ETS2: variants seen among roughly 807,000 people sequenced by gnomAD.
ETS2 encodes the protein protein C-ets-2.
A neutral mutation model predicts 54.9 loss-of-function variants in ETS2; 19 were observed. The observed-to-expected ratio is 0.35, with a 90% CI of 0.24 to 0.51. The LOEUF (loss-of-function observed/expected upper bound fraction) is 0.51, where lower values mean the gene tolerates loss of function less well. Ranked by LOEUF, ETS2 falls within the 20% of genes least tolerant of loss-of-function variation. The pLI is 0.97. For missense variants in ETS2, 417 were observed against 593.0 expected (o/e 0.70, Z 3.08); for synonymous variants, 219 against 229.3 (o/e 0.95, Z 0.41).
At position 38,813,113 on chromosome 21, in the gene ETS2, T is replaced by C; in HGVS notation, c.183T>C (p.His61=). The C allele has an allele frequency of 1.3e-6, 2 of 1,588,198 alleles. No individual in the cohort carries two copies. Among genetic ancestry groups the C allele is most frequent in the Non-Finnish European group, 1.7e-6 (2 of 1,156,236 alleles). The change falls in exon 3 of 10, where the codon CAT becomes CAC. Residue 61 remains histidine, a splice_region_variant and synonymous_variant. Coordinates refer to ENST00000360938, the MANE Select transcript of ETS2 (RefSeq NM_005239.6). ...EVPTGLDSIS[H]DSANCELPLL... is the part of the protein sequence containing the mutation. ...CAACAGGCTTGGATTCCATTTCTCA[T>C]GGTAATTGGTTCCTCAGACTTGACA... is the stretch of plus-strand genomic sequence containing the variant.
At chr21:38,818,341 G>C in intron 6 of ETS2, 84 bp from the exon 7 acceptor site, 1 of 1,592,550 alleles carries the variant, frequency 6.3e-7, no homozygotes, top group Non-Finnish European at 8.6e-7. Context: ...TGTGCGGAGT[G>C]CTCACCTGTC....
rs1601433209 is a variant in ETS2, at chr21:38,821,747, A to C, written c.1194+43A>C. On this transcript the variant is annotated intron_variant, in intron 9 of 9. Coordinates refer to ENST00000360938, the MANE Select transcript of ETS2 (RefSeq NM_005239.6). The surrounding 1 kb of genome is among the most constrained non-coding windows in gnomAD (Gnocchi z 4.2). ...GGAAATCTCTGGGCTTGAAAACCTG[A>C]TTTCCTGCTTGCATTCAAAAACTCA... 1.4e-6 allele frequency: 2 copies of C among 1,412,606 alleles called. No individual in the cohort carries two copies. The highest frequency in any genetic ancestry group is 4.6e-5 in the East Asian group (2 of 43,794). 87.5% of individuals were successfully genotyped at this position (1,412,606 alleles called of 1,614,324 possible). A position where few individuals can be genotyped will look rare whatever the true frequency, so the allele number is the denominator to read the frequency against.
In ETS2 at chr21:38,814,491, T is replaced by G. The variant is rs2060925360; in HGVS notation, c.304+99T>G. On this transcript the variant is annotated intron_variant, in intron 4 of 9. Transcript: ENST00000360938. This position sits in a 1 kb window ranked among gnomAD's most constrained non-coding sequence, Gnocchi z 4.2. Reference sequence around the variant, plus strand: ...TTTATTAAGCTTTTGCTTGGGGTATTCTGCAAAGAGTAGCATGGATGTCGT... The same window carrying G: ...TTTATTAAGCTTTTGCTTGGGGTATGCTGCAAAGAGTAGCATGGATGTCGT... 6.9e-7 allele frequency: 1 copy of G among 1,459,352 alleles called. No individual in the cohort carries two copies. The highest frequency in any genetic ancestry group is 2.3e-5 in the East Asian group (1 of 43,918). 90.4% of individuals were successfully genotyped at this position (1,459,352 alleles called of 1,614,324 possible).
rs537455053 is a variant in ETS2, at chr21:38,821,264, G to A, written c.1076-322G>A. 2.6e-4 allele frequency among the ~76,000 whole-genome samples: 39 copies of A among 152,178 alleles called. No homozygotes were observed. Among genetic ancestry groups the A allele is most frequent in the Admixed American group, 1.3e-3 (20 of 15,282 alleles). On this transcript the variant is annotated intron_variant, in intron 8 of 9. Transcript: ENST00000360938. The surrounding 1 kb of genome is among the most constrained non-coding windows in gnomAD (Gnocchi z 4.2). Reference sequence around the variant, plus strand: ...ATTAAACCAGATGGGGAATTTTAATGCCAAGAGTTGGTGGCCCTAAACTTT... The same window carrying A: ...ATTAAACCAGATGGGGAATTTTAATACCAAGAGTTGGTGGCCCTAAACTTT...
chr21:38,822,597 A>AT, intron 9 of ETS2, 77 bp from the exon 10 acceptor site: 1 of 1,284,402 alleles, frequency 7.8e-7, no homozygotes, highest in Non-Finnish European at 1.1e-6. Flanking sequence ...TCAGAATCAT[A>AT]ATCAGGGAGG....
rs1157144464 is a variant in ETS2 at position 38,806,938 on chromosome 21, T to C, written c.-1+818T>C. 1.6e-6 allele frequency: 1 copy of C among 609,536 alleles called. No individual in the cohort carries two copies. Among genetic ancestry groups the C allele is most frequent in the Non-Finnish European group, 2.1e-6 (1 of 486,708 alleles). The allele number at this position is 609,536 out of a possible 1,614,324, so 37.8% of individuals were successfully genotyped here. A position where few individuals can be genotyped will look rare whatever the true frequency, so the allele number is the denominator to read the frequency against. ...TAGCCTAAAACAGTAGTTGACGCGC[T>C]AGTTATTTAGAAAGTAAAGAAATGA... On this transcript the variant is annotated intron_variant, in intron 1 of 9. Coordinates refer to ENST00000360938, the MANE Select transcript of ETS2 (RefSeq NM_005239.6). This position sits in a 1 kb window ranked among gnomAD's most constrained non-coding sequence, Gnocchi z 4.3.
chr21:38,814,976 T>A lies in ETS2; in HGVS notation c.500T>A (p.Ile167Asn), dbSNP rs776679730. 1 of 1,614,034 alleles carries A rather than the reference T, an allele frequency of 6.2e-7. No homozygotes were observed. The highest frequency in any genetic ancestry group is 8.5e-7 in the Non-Finnish European group (1 of 1,179,912). The change falls in exon 5 of 10, where the codon ATC becomes AAC. Residue 167 changes from isoleucine to asparagine, a missense_variant. Ile to Asn is a moderately radical substitution (Grantham distance 149, BLOSUM62 -3). Transcript: ENST00000360938. The surrounding 1 kb of genome is among the most constrained non-coding windows in gnomAD (Gnocchi z 4.2). ...CTCTGGGAACATCTGGAGCAAATGA[T>A]CAAAGGTACCAGCTGAACGTCTTAC... The part of the protein sequence containing the change: ...DILWEHLEQM[I>N]KENQEKTEDQ...
intron 5 of ETS2, among the ~76,000 whole-genome samples, chr21:38,815,576 A>G (rs1040075007): frequency 6.6e-6 from 1 of 152,052 alleles, no homozygotes; most frequent in African/African-American, 2.4e-5. Context: ...AAATACAGAG[A>G]AAGTCTTGAT....
In ETS2 at chr21:38,814,038, T is replaced by C. The variant is rs1470572397; in HGVS notation, c.185-235T>C. On this transcript the variant is annotated intron_variant, in intron 3 of 9. Coordinates refer to ENST00000360938, the MANE Select transcript of ETS2 (RefSeq NM_005239.6). The surrounding 1 kb of genome is among the most constrained non-coding windows in gnomAD (Gnocchi z 4.2). The stretch of plus-strand genomic sequence containing the variant: ...AACTGCTTTGTGACGCTTTGCAAAA[T>C]AGAATCAAATCTGAGTTTTATTTTA... Among the ~76,000 whole-genome samples the C allele has an allele frequency of 6.6e-6, 1 of 152,230 alleles. No homozygotes were observed. The highest frequency in any genetic ancestry group is 1.9e-4 in the East Asian group (1 of 5,200).
chr21:38,814,483 T>TG lies in ETS2; in HGVS notation c.304+95dup. ...TTGACTTGTTTATTAAGCTTTTGCT[T>TG]GGGGTATTCTGCAAAGAGTAGCATG... On this transcript the variant is annotated intron_variant, in intron 4 of 9. Coordinates refer to ENST00000360938, the MANE Select transcript of ETS2 (RefSeq NM_005239.6). This position sits in a 1 kb window ranked among gnomAD's most constrained non-coding sequence, Gnocchi z 4.2. 2 of 1,497,320 alleles carry TG rather than the reference T, an allele frequency of 1.3e-6. No homozygotes were observed. The highest frequency in any genetic ancestry group is 1.8e-6 in the Non-Finnish European group (2 of 1,096,772). The allele number at this position is 1,497,320 out of a possible 1,614,324, so 92.8% of individuals were successfully genotyped here.
upstream of ETS2, chr21:38,805,475 G>C (rs1295428218): frequency 2.3e-6 from 3 of 1,288,116 alleles, no homozygotes; most frequent in African/African-American, 4.6e-5. The surrounding 1 kb of genome is among the most constrained non-coding windows in gnomAD (Gnocchi z 5.2). Context: ...CCCCAGAGAG[G>C]ACGCCGAGCG....
intron 3 of ETS2, 79 bp downstream of exon 3, chr21:38,813,193 A>G (rs1396374295): frequency 3.3e-6 from 3 of 904,856 alleles, no homozygotes; most frequent in Non-Finnish European, 3.7e-6. Context: ...ACAGTTCCTA[A>G]GTGAGAAATG....
At chr21:38,805,778 C>G, upstream of ETS2, 1 of 798,442 alleles carries the variant, frequency 1.3e-6, no homozygotes. This position sits in a 1 kb window ranked among gnomAD's most constrained non-coding sequence, Gnocchi z 5.2. Flanking sequence ...TACCTCCCTT[C>G]CCCTCCTCTT....
In ETS2 at chr21:38,810,091, C is replaced by G; in HGVS notation, c.57C>G (p.Tyr19Ter). The change falls in exon 2 of 10, where the codon TAC becomes TAG. Residue 19 changes from tyrosine to a stop codon, truncating the protein, a stop_gained. Transcript: ENST00000360938. LOFTEE classifies it high-confidence loss of function. ...AGGTAGCCCCTGTGGCTAACAGTTA[C>G]AGAGGGACACTCAAGGTGAGTGGGC... ...MDQVAPVANS[Y>*]RGTLKRQPAF... is the part of the protein sequence containing the mutation. 6.5e-7 allele frequency: 1 copy of G among 1,545,164 alleles called. No homozygotes were observed.
chr21:38,806,940 G>C lies in ETS2; in HGVS notation c.-1+820G>C, dbSNP rs188627740. On this transcript the variant is annotated intron_variant, in intron 1 of 9. Coordinates refer to ENST00000360938, the MANE Select transcript of ETS2 (RefSeq NM_005239.6). The surrounding 1 kb of genome is among the most constrained non-coding windows in gnomAD (Gnocchi z 4.3). Reference sequence around the variant, plus strand: ...GCCTAAAACAGTAGTTGACGCGCTAGTTATTTAGAAAGTAAAGAAATGAGC... The same window carrying C: ...GCCTAAAACAGTAGTTGACGCGCTACTTATTTAGAAAGTAAAGAAATGAGC... 1 of 607,996 alleles carries C rather than the reference G, an allele frequency of 1.6e-6. No homozygotes were observed. Among genetic ancestry groups the C allele is most frequent in the Non-Finnish European group, 2.1e-6 (1 of 485,274 alleles). 37.7% of individuals were successfully genotyped at this position (607,996 alleles called of 1,614,324 possible). A position where few individuals can be genotyped will look rare whatever the true frequency, so the allele number is the denominator to read the frequency against.
In ETS2 at chr21:38,806,350, C is replaced by CG. The variant is rs993688822; in HGVS notation, c.-1+236dup. The CG allele has an allele frequency of 1.9e-5, 19 of 976,776 alleles. No individual in the cohort carries two copies. Among genetic ancestry groups the CG allele is most frequent in the African/African-American group, 1.6e-4 (9 of 56,918 alleles). 60.5% of individuals were successfully genotyped at this position (976,776 alleles called of 1,614,324 possible). A position where few individuals can be genotyped will look rare whatever the true frequency, so the allele number is the denominator to read the frequency against. The stretch of plus-strand genomic sequence containing the variant: ...GGCCTCCGGGGCTGGCGGGGTCGGC[C>CG]GGGGGGTTCCTGCGTGCTAGGGCCG... On this transcript the variant is annotated intron_variant, in intron 1 of 9. Transcript: ENST00000360938. The surrounding 1 kb of genome is among the most constrained non-coding windows in gnomAD (Gnocchi z 4.3).
rs1344734147 is a variant in ETS2 at position 38,817,047 on chromosome 21, C to T, written c.545C>T (p.Ser182Leu). 1.9e-6 allele frequency: 3 copies of T among 1,612,842 alleles called. No homozygotes were observed. The highest frequency in any genetic ancestry group is 2.7e-5 in the African/African-American group (2 of 74,916). ...EKTEDQYEEN[S>L]HLTSVPHWIN... ...ACAGAAGATCAATATGAAGAAAATT[C>T]ACACCTCACCTCCGTTCCTCATTGG... The change falls in exon 6 of 10, where the codon TCA becomes TTA. Residue 182 changes from serine to leucine, a missense_variant. Ser to Leu is a moderately radical substitution (Grantham distance 145). This residue lies in a region of ETS2 where 326 missense variants were observed against 426.1 expected (regional missense o/e 0.76). Coordinates refer to ENST00000360938, the MANE Select transcript of ETS2 (RefSeq NM_005239.6).
At position 38,821,689 on chromosome 21, in the gene ETS2, C is replaced by T. The variant is rs116476013; in HGVS notation, c.1179C>T (p.Leu393=). The T allele has an allele frequency of 4.3e-4, 697 of 1,612,336 alleles. 2 individuals carry two copies. Among genetic ancestry groups the T allele is most frequent in the Middle Eastern group, 3.3e-3 (20 of 6,044 alleles). ...SWTGDGWEFK[L]ADPDEVARRW... Reference sequence around the variant, plus strand: ...CTGGAGACGGATGGGAGTTTAAGCTCGCCGACCCCGATGAGGTATGGCCAG... The same window carrying T: ...CTGGAGACGGATGGGAGTTTAAGCTTGCCGACCCCGATGAGGTATGGCCAG... The change falls in exon 9 of 10, where the codon CTC becomes CTT. Residue 393 remains leucine (L), a synonymous_variant. Coordinates refer to ENST00000360938, the MANE Select transcript of ETS2 (RefSeq NM_005239.6). This position sits in a 1 kb window ranked among gnomAD's most constrained non-coding sequence, Gnocchi z 4.2.
At position 38,814,855 on chromosome 21, in the gene ETS2, G is replaced by A. The variant is rs772611992; in HGVS notation, c.379G>A (p.Val127Met). The change falls in exon 5 of 10, where the codon GTG (valine) becomes ATG (methionine). Residue 127 changes from valine (V) to methionine (M), a missense_variant. By Grantham distance (21) the Val-to-Met change is conservative. Around this residue, in one of 3 missense-constraint regions of ETS2, gnomAD observed 326 missense variants for 426.1 expected, o/e 0.76. Coordinates refer to ENST00000360938, the MANE Select transcript of ETS2 (RefSeq NM_005239.6). This position sits in a 1 kb window ranked among gnomAD's most constrained non-coding sequence, Gnocchi z 4.2. ...WATNEFSLVN[V>M]NLQRFGMNGQ... ...CACCAATGAGTTCAGTCTGGTGAAC[G>A]TGAATCTGCAGAGGTTCGGCATGAA... 12 of 1,614,090 alleles carry A rather than the reference G, an allele frequency of 7.4e-6. No individual in the cohort carries two copies. Among genetic ancestry groups the A allele is most frequent in the Admixed American group, 5.0e-5 (3 of 60,010 alleles).
Sources: gnomAD v4.1 joint callset for allele counts (sites outside exome capture counted in the v4.1 genomes callset) on GRCh38, gnomAD v4.1.1 for gene constraint, gnomAD v4.1.1 regional missense constraint, Gnocchi (gnomAD v3.1) non-coding constraint, MANE v1.5 for transcripts, NCBI Gene and HGNC (gene_info 2026-07-23, HGNC 2026-07-21) for gene names.